The following EXOC4 variants were observed in gnomAD, a reference collection of about 807,000 sequenced individuals.
EXOC4 encodes the protein exocyst complex component 4.
In EXOC4, 71 loss-of-function variants were observed where a neutral mutation model predicts 107.2. That is an observed-to-expected ratio of 0.66 (90% confidence interval 0.55 to 0.81). The LOEUF is 0.81. Among genes scored for constraint, EXOC4 ranks in the 30% least tolerant of loss-of-function variants. EXOC4 has a pLI of 0.00. For missense variants in EXOC4, 1,108 were observed against 1,189.6 expected, an observed-to-expected ratio of 0.93 and a Z score of 1.01; for synonymous variants, 456 against 441.2, an observed-to-expected ratio of 1.03 and a Z score of -0.42.
chr7:133,881,687 C>G (rs1798969873), intron 11 of EXOC4, among the ~76,000 whole-genome samples: 1 of 152,094 alleles, frequency 6.6e-6, no homozygotes, highest in East Asian at 1.9e-4. Context: ...AAGGTACTTA[C>G]TTATTTATAT....
chr7:134,017,722 T>C (rs1356816724), intron 17 of EXOC4, among the ~76,000 whole-genome samples: 1 of 152,198 alleles, frequency 6.6e-6, no homozygotes, highest in Non-Finnish European at 1.5e-5. Context: ...ACAGAGCACT[T>C]CAGAGCAATA....
chr7:133,328,023 T>C (rs1333092820), intron 5 of EXOC4, among the ~76,000 whole-genome samples: 2 of 152,204 alleles, frequency 1.3e-5, no homozygotes, highest in East Asian at 3.8e-4. Context: ...ATCTGTCTAA[T>C]ATTTACAGTG....
intron 9 of EXOC4, among the ~76,000 whole-genome samples, chr7:133,620,035 T>C (rs1453467833): frequency 6.6e-6 from 1 of 151,940 alleles, no homozygotes; most frequent in Non-Finnish European, 1.5e-5. Context: ...GTTGTTAGTT[T>C]GTTTTGAGAC....
chr7:134,087,601 T>C, the EXOC4 span, among the ~76,000 whole-genome samples: 2 of 152,202 alleles, frequency 1.3e-5, no homozygotes, highest in Admixed American at 6.5e-5. Context: ...GGTTGCTAGA[T>C]GATTTCAATA....
intron 10 of EXOC4, among the ~76,000 whole-genome samples, chr7:133,692,413 T>A (rs1400279874): frequency 6.6e-6 from 1 of 152,256 alleles, no homozygotes; most frequent in East Asian, 1.9e-4. Flanking sequence ...CTCCCCTAAC[T>A]GAGCTCAGAT....
intron 5 of EXOC4, 139 bp from the exon 6 acceptor site, chr7:133,356,191 G>C (rs1796016462): frequency 1.2e-5 from 10 of 841,998 alleles, no homozygotes; most frequent in Non-Finnish European, 1.8e-5. Flanking sequence ...TGGTTACTGT[G>C]CAAATATAAT....
intron 5 of EXOC4, among the ~76,000 whole-genome samples, chr7:133,319,313 T>A: frequency 6.6e-6 from 1 of 152,214 alleles, no homozygotes; most frequent in East Asian, 1.9e-4. Context: ...GGCCTTACTT[T>A]TTGATAGGCA....
chr7:133,575,405 A>C (rs141710203), intron 9 of EXOC4, among the ~76,000 whole-genome samples: 1 of 152,362 alleles, frequency 6.6e-6, no homozygotes, highest in Non-Finnish European at 1.5e-5. Context: ...TAGAACACTA[A>C]CTTTAAAATA....
chr7:133,952,171 G>A (rs1054497685), intron 14 of EXOC4, among the ~76,000 whole-genome samples: 8 of 149,756 alleles, frequency 5.3e-5, no homozygotes, highest in African/African-American at 9.9e-5. Context: ...AAAAAAAAAA[G>A]AAAAAAAAAG....
At chr7:133,705,306 GCA>G (rs1217613345) in intron 10 of EXOC4, among the ~76,000 whole-genome samples, 1 of 152,312 alleles carries the variant, frequency 6.6e-6, no homozygotes, top group East Asian at 1.9e-4. Context: ...GACAGAGGTT[GCA>G]GCGAGCTGAG....
At chr7:134,076,423 C>G in the EXOC4 span, among the ~76,000 whole-genome samples, 1 of 151,948 alleles carries the variant, frequency 6.6e-6, no homozygotes, top group Non-Finnish European at 1.5e-5. Context: ...GACGCTGAGG[C>G]AGGAGAATGG....
chr7:133,557,222 C>G (rs1800709251), intron 9 of EXOC4, among the ~76,000 whole-genome samples: 1 of 152,138 alleles, frequency 6.6e-6, no homozygotes, highest in African/African-American at 2.4e-5. Flanking sequence ...TCAAATACCA[C>G]CCTGGTTTCT....
At chr7:133,781,229 C>CT (rs1157198952) in intron 10 of EXOC4, among the ~76,000 whole-genome samples, 1 of 152,206 alleles carries the variant, frequency 6.6e-6, no homozygotes, top group African/African-American at 2.4e-5. Context: ...AAGCAGAAAA[C>CT]TTTTGAAGGC....
chr7:134,083,922 G>C, the EXOC4 span, among the ~76,000 whole-genome samples: 1 of 152,188 alleles, frequency 6.6e-6, no homozygotes, highest in African/African-American at 2.4e-5. Flanking sequence ...TTCTCCTTCT[G>C]CTCCTCTACT....
chr7:133,943,772 A>G (rs1461903766), intron 14 of EXOC4, among the ~76,000 whole-genome samples: 1 of 151,760 alleles, frequency 6.6e-6, no homozygotes, highest in Non-Finnish European at 1.5e-5. Context: ...TCATTTAGTG[A>G]TTTTTAGAAA....
At chr7:133,918,275 C>T (rs1388489395) in intron 13 of EXOC4, among the ~76,000 whole-genome samples, 2 of 152,146 alleles carry the variant, frequency 1.3e-5, no homozygotes, top group Admixed American at 6.5e-5. Flanking sequence ...CCACCACACC[C>T]GGCCTAAAAT....
chr7:134,081,077 T>C, the EXOC4 span, among the ~76,000 whole-genome samples: 1 of 152,144 alleles, frequency 6.6e-6, no homozygotes, highest in Non-Finnish European at 1.5e-5. Flanking sequence ...GCATGGTGGC[T>C]CATGCCTGTA....
At chr7:133,457,987 A>G (rs985383120) in intron 7 of EXOC4, among the ~76,000 whole-genome samples, 2 of 152,202 alleles carry the variant, frequency 1.3e-5, no homozygotes, top group Non-Finnish European at 2.9e-5. Context: ...GAAATAAAAG[A>G]AGGAAGAATT....
intron 10 of EXOC4, among the ~76,000 whole-genome samples, chr7:133,670,047 A>G (rs1793911833): frequency 6.6e-6 from 1 of 152,170 alleles, no homozygotes; most frequent in Non-Finnish European, 1.5e-5. Context: ...TTGGTATTAC[A>G]AAGTCATGAT....
Sources: allele counts gnomAD v4.1 joint callset (sites outside exome capture counted in the v4.1 genomes callset), GRCh38; gene constraint gnomAD v4.1.1; transcripts MANE v1.5; gene names NCBI Gene and HGNC (gene_info 2026-07-23, HGNC 2026-07-21).